RNF175: variants seen among roughly 807,000 people sequenced by gnomAD.
RNF175 encodes the protein ring finger protein 175.
Under a neutral mutation model 50.0 loss-of-function variants are expected in RNF175, and 38 were observed. The ratio of observed to expected loss-of-function variants is 0.76; its 90% confidence interval spans 0.59 to 1.00. The LOEUF (loss-of-function observed/expected upper bound fraction) is 1.00, where lower values mean the gene tolerates loss of function less well. Among genes scored for constraint, RNF175 ranks in the 50% least tolerant of loss-of-function variants. The pLI, the probability that RNF175 is intolerant of heterozygous loss-of-function variation, is 0.00. For synonymous variants in RNF175, 155 were observed against 146.1 expected (o/e 1.06, Z -0.44); for missense variants, 388 against 409.6 (o/e 0.95, Z 0.46).
In RNF175 at chr4:153,759,914, C is replaced by T; in HGVS notation, c.-52G>A. ...GCACAGCGCCTGCCGGGGAGGGTCC[C>T]GCAGAGTCCGCAGAAGGAGGCGCCG... On this transcript the variant is annotated 5_prime_UTR_variant, in exon 1 of 9. Coordinates refer to ENST00000347063, the MANE Select transcript of RNF175 (RefSeq NM_173662.4). The T allele has an allele frequency of 9.0e-7, 1 of 1,112,730 alleles. No homozygotes were observed. Among genetic ancestry groups the T allele is most frequent in the South Asian group, 2.5e-5 (1 of 39,872 alleles). The allele number at this position is 1,112,730 out of a possible 1,614,324, so 68.9% of individuals were successfully genotyped here.
chr4:153,715,387 C>G, intron 7 of RNF175, 142 bp downstream of exon 7: 1 of 780,342 alleles, frequency 1.3e-6, no homozygotes, highest in Non-Finnish European at 2.2e-6. Context: ...CAGGAAGACT[C>G]GACTGGGCTG....
intron 3 of RNF175, among the ~76,000 whole-genome samples, chr4:153,736,951 T>A (rs1739385365): frequency 6.6e-6 from 1 of 152,176 alleles, no homozygotes; most frequent in South Asian, 2.1e-4. Context: ...CTCCAACTCC[T>A]GGGCTTAAGC....
At chr4:153,747,980 GA>G (rs751052573) in intron 3 of RNF175, among the ~76,000 whole-genome samples, 14 of 152,220 alleles carry the variant, frequency 9.2e-5, no homozygotes, top group Non-Finnish European at 1.3e-4. Flanking sequence ...TCTCATGGCA[GA>G]AGGTGAGAGG....
At position 153,715,568 on chromosome 4, in the gene RNF175, C is replaced by A. The variant is rs1438012558; in HGVS notation, c.725G>T (p.Gly242Val). ...AAGCTGGTAGGTGTTTTCAATGAGC[C>A]CTTCTTCATCAAGCTCCACAATGAT... ...QKIIVELDEEGLIENTYQLSC... is the reference protein window; with the variant it reads ...QKIIVELDEEVLIENTYQLSC... The change falls in exon 7 of 9, where the codon GGG becomes GTG. Residue 242 changes from glycine (G) to valine (V), a missense_variant. Coordinates refer to ENST00000347063, the MANE Select transcript of RNF175 (RefSeq NM_173662.4). The A allele has an allele frequency of 2.5e-6, 4 of 1,611,816 alleles. No homozygotes were observed. The East Asian group carries it at 8.9e-5, about 36-fold the overall frequency.
At chr4:153,728,138 G>T (rs1290368854) in intron 4 of RNF175, 69 bp downstream of exon 4, 3 of 1,208,488 alleles carry the variant, frequency 2.5e-6, no homozygotes, top group Admixed American at 2.8e-5. Context: ...CAGGAAAATG[G>T]CAATAAAATA....
intron 3 of RNF175, chr4:153,729,772 T>C: frequency 1.0e-6 from 1 of 985,130 alleles, no homozygotes; most frequent in Non-Finnish European, 1.2e-6. Context: ...TTATCATAGA[T>C]ATGCACTTAA....
chr4:153,748,091 G>A (rs1740074069), intron 3 of RNF175, among the ~76,000 whole-genome samples: 1 of 152,202 alleles, frequency 6.6e-6, no homozygotes, highest in Non-Finnish European at 1.5e-5. Flanking sequence ...CAAGGGCAGA[G>A]CCCTTATGGC....
At position 153,748,872 on chromosome 4, in the gene RNF175, C is replaced by A. The variant is rs60014537; in HGVS notation, c.105-86G>T. 45 of 1,322,986 alleles carry A rather than the reference C, an allele frequency of 3.4e-5. No homozygotes were observed. In the East Asian group the frequency reaches 1.2e-3, roughly 34 times the overall value. The allele number at this position is 1,322,986 out of a possible 1,614,324, so 82.0% of individuals were successfully genotyped here. A position where few individuals can be genotyped will look rare whatever the true frequency, so the allele number is the denominator to read the frequency against. On this transcript the variant is annotated intron_variant, in intron 2 of 8. Transcript: ENST00000347063. ...AAACAAAAAACAAAAAACAAAAAAA[C>A]AAAAAACAGGTTTGGCTTACAAAAA...
chr4:153,734,745 G>T (rs758018182), intron 3 of RNF175, among the ~76,000 whole-genome samples: 2 of 135,710 alleles, frequency 1.5e-5, no homozygotes, highest in African/African-American at 5.7e-5. Flanking sequence ...GCGTGATCTC[G>T]GCTCACTGCA....
chr4:153,715,532 T>C lies in RNF175; in HGVS notation c.761A>G (p.His254Arg), dbSNP rs1737852398. ...IENTYQLSCNHVFHEFCIRGW... is the reference protein window; with the variant it reads ...IENTYQLSCNRVFHEFCIRGW... ...CAATTTCCTTTGAAAAGGATACACA[T>C]GATTACAGGAAAGCTGGTAGGTGTT... The change falls in exon 7 of 9, where the codon CAT becomes CGT. Residue 254 changes from histidine (H) to arginine (R), a missense_variant. Coordinates refer to ENST00000347063, the MANE Select transcript of RNF175 (RefSeq NM_173662.4). The C allele has an allele frequency of 6.3e-7, 1 of 1,589,580 alleles. No homozygotes were observed. The highest frequency in any genetic ancestry group is 8.6e-7 in the Non-Finnish European group (1 of 1,167,504).
chr4:153,721,303 T>C (rs528066775), intron 5 of RNF175: 2 of 152,330 alleles, frequency 1.3e-5, no homozygotes, highest in Admixed American at 6.5e-5. Flanking sequence ...GTGGTTCTGA[T>C]TGATTCAGGG....
intron 5 of RNF175, chr4:153,721,308 T>C (rs943905536): frequency 1.3e-5 from 2 of 152,334 alleles, no homozygotes; most frequent in East Asian, 3.9e-4. Flanking sequence ...TCTGATTGAT[T>C]CAGGGAAGGG....
intron 3 of RNF175, among the ~76,000 whole-genome samples, chr4:153,742,309 AGGGG>A (rs1448366403): frequency 2.0e-5 from 3 of 151,802 alleles, no homozygotes; most frequent in East Asian, 3.9e-4. Context: ...GCAGAATAGA[AGGGG>A]GTGGCAAGGC....
In RNF175 at chr4:153,712,577, C is replaced by A; in HGVS notation, c.765-1G>T. On this transcript the variant is annotated splice_acceptor_variant, in intron 7 of 8. Coordinates refer to ENST00000347063, the MANE Select transcript of RNF175 (RefSeq NM_173662.4). LOFTEE classifies it high-confidence loss of function. Reference sequence around the variant, plus strand: ...ACCTCGGATGCAGAATTCATGAAAGCTGAAGCATCTTGTTAGGGAGGCTTC... The same window carrying A: ...ACCTCGGATGCAGAATTCATGAAAGATGAAGCATCTTGTTAGGGAGGCTTC... 6.2e-7 allele frequency: 1 copy of A among 1,603,878 alleles called. No homozygotes were observed. The highest frequency in any genetic ancestry group is 8.5e-7 in the Non-Finnish European group (1 of 1,171,436).
intron 1 of RNF175, among the ~76,000 whole-genome samples, chr4:153,754,938 AT>A (rs147250031): frequency 0.018 from 2,683 of 152,256 alleles, 65 homozygotes; most frequent in African/African-American, 0.056. Context: ...GAGATAATAC[AT>A]TTTTTTGTTG....
rs528924536 is a variant in RNF175, at chr4:153,739,508, T to C, written c.246+9137A>G. 4.6e-5 allele frequency among the ~76,000 whole-genome samples: 7 copies of C among 152,360 alleles called. No individual in the cohort carries two copies. In the East Asian group the frequency reaches 1.3e-3, roughly 29 times the overall value. On this transcript the variant is annotated intron_variant, in intron 3 of 8. Coordinates refer to ENST00000347063, the MANE Select transcript of RNF175 (RefSeq NM_173662.4). ...ATTCTTTCTTTCTTTATGTAGATTA[T>C]CTGAGTTTCTGGCCTAAATCACTTT...
At chr4:153,748,447 A>C (rs546590785) in intron 3 of RNF175, 198 bp downstream of exon 3, 8 of 450,112 alleles carry the variant, frequency 1.8e-5, no homozygotes, top group South Asian at 1.4e-4. Context: ...TTCACCCCCC[A>C]CAAGTCTTGA....
chr4:153,739,545 A>G (rs1224349031), intron 3 of RNF175, among the ~76,000 whole-genome samples: 1 of 152,152 alleles, frequency 6.6e-6, no homozygotes, highest in East Asian at 1.9e-4. Context: ...CTTCTTTCTG[A>G]AGAACTTTTA....
In RNF175 at chr4:153,720,171, A is replaced by G; in HGVS notation, c.630+13T>C. 1 of 1,612,520 alleles carries G rather than the reference A, an allele frequency of 6.2e-7. No individual in the cohort carries two copies. The highest frequency in any genetic ancestry group is 8.5e-7 in the Non-Finnish European group (1 of 1,179,224). ...TGTCATACATGGTTTCAGAAAATGA[A>G]AGCAACACTTACCCCTATAGTGGAA... On this transcript the variant is annotated intron_variant, in intron 6 of 8. Transcript: ENST00000347063.
Sources: allele counts gnomAD v4.1 joint callset (sites outside exome capture counted in the v4.1 genomes callset), GRCh38; gene constraint gnomAD v4.1.1; transcripts MANE v1.5; gene names NCBI Gene and HGNC (gene_info 2026-07-23, HGNC 2026-07-21).